The following STARD13 variants were observed in gnomAD, a reference collection of about 807,000 sequenced individuals.
STARD13 encodes the protein stAR-related lipid transfer protein 13.
Under a neutral mutation model 106.4 loss-of-function variants are expected in STARD13, and 62 were observed. The ratio of observed to expected loss-of-function variants is 0.58; its 90% CI spans 0.48 to 0.72. The LOEUF (loss-of-function observed/expected upper bound fraction) is 0.72, where lower values mean the gene tolerates loss of function less well. Among genes scored for constraint, STARD13 ranks in the 30% least tolerant of loss-of-function variants. The probability of loss-of-function intolerance (pLI) is 0.00; values close to 1 mark genes in which losing one functional copy is unlikely to be tolerated. For missense variants in STARD13, 1,387 were observed against 1,424.0 expected, an observed-to-expected ratio of 0.97 and a Z score of 0.42; for synonymous variants, 565 against 553.0, an observed-to-expected ratio of 1.02 and a Z score of -0.31.
chr13:33,426,500 C>A, the STARD13 span, among the ~76,000 whole-genome samples: 1 of 152,218 alleles, frequency 6.6e-6, no homozygotes. Context: ...ACCTGTAACT[C>A]TTCTGCCAAA....
At chr13:33,658,440 T>C in the STARD13 span, 1 of 152,270 alleles carries the variant, frequency 6.6e-6, no homozygotes, top group Non-Finnish European at 1.5e-5. Flanking sequence ...TTTGTTGCTA[T>C]AATATCATAA....
chr13:33,407,297 G>A, the STARD13 span, among the ~76,000 whole-genome samples: 3 of 152,176 alleles, frequency 2.0e-5, no homozygotes, highest in African/African-American at 7.2e-5. Context: ...CCCTGGCCAT[G>A]TTCACAGTCA....
the STARD13 span, among the ~76,000 whole-genome samples, chr13:33,463,332 T>C: frequency 6.6e-6 from 1 of 152,208 alleles, no homozygotes; most frequent in Non-Finnish European, 1.5e-5. Context: ...CTTGTAATTA[T>C]ACACAAATTA....
chr13:33,378,177 C>T, the STARD13 span, among the ~76,000 whole-genome samples: 1 of 152,130 alleles, frequency 6.6e-6, no homozygotes, highest in African/African-American at 2.4e-5. Context: ...AAACTTAAAA[C>T]TGGCAAAGCA....
At chr13:33,214,692 G>GCACACA (rs1440199937) in intron 1 of STARD13, among the ~76,000 whole-genome samples, 8 of 103,236 alleles carry the variant, frequency 7.7e-5, no homozygotes, top group African/African-American at 3.5e-4. Context: ...ACACACACAT[G>GCACACA]CACACATACA....
At chr13:33,626,646 T>C in the STARD13 span, among the ~76,000 whole-genome samples, 1 of 152,264 alleles carries the variant, frequency 6.6e-6, no homozygotes. Flanking sequence ...AGTGGGATTA[T>C]ATAATCTTTA....
intron 7 of STARD13, among the ~76,000 whole-genome samples, chr13:33,123,055 C>CAAAAAA (rs71071079): frequency 0.012 from 549 of 45,816 alleles, 92 homozygotes; most frequent in Middle Eastern, 0.056. Context: ...GACTCCATCT[C>CAAAAAA]AAAAAAAAAA....
chr13:33,527,676 T>A, the STARD13 span, among the ~76,000 whole-genome samples: 2 of 151,950 alleles, frequency 1.3e-5, no homozygotes, highest in South Asian at 2.1e-4. Flanking sequence ...AAGAAAAAAA[T>A]AAAAATACAG....
At chr13:33,614,310 G>A in the STARD13 span, among the ~76,000 whole-genome samples, 2 of 54,326 alleles carry the variant, frequency 3.7e-5, no homozygotes, top group Admixed American at 3.6e-4. Context: ...TTGGAAAATT[G>A]GAATTAGAGT....
the STARD13 span, among the ~76,000 whole-genome samples, chr13:33,528,310 C>T: frequency 5.3e-5 from 7 of 133,188 alleles, no homozygotes; most frequent in African/African-American, 2.3e-4. Flanking sequence ...TCCTCTGTCA[C>T]CCAGGCTGAA....
chr13:33,153,931 T>C (rs1172800611), intron 3 of STARD13, among the ~76,000 whole-genome samples: 1 of 152,092 alleles, frequency 6.6e-6, no homozygotes, highest in Non-Finnish European at 1.5e-5. Flanking sequence ...GGAACCTAAG[T>C]CACTGAGGAT....
In STARD13 at chr13:33,104,269, G is replaced by A. The variant is rs1873424837; in HGVS notation, c.*1324C>T. The A allele has an allele frequency of 6.6e-6, 1 of 152,204 alleles. No homozygotes were observed. The highest frequency in any genetic ancestry group is 2.4e-5 in the African/African-American group (1 of 41,442). 9.4% of individuals were successfully genotyped at this position (152,204 alleles called of 1,614,324 possible). A position where few individuals can be genotyped will look rare whatever the true frequency, so the allele number is the denominator to read the frequency against. Reference sequence around the variant, plus strand: ...CGATCCATTAGCAGTTGGCTAAAGGGAGTCAATTCGCTTCATCTGTACAAT... The same window carrying A: ...CGATCCATTAGCAGTTGGCTAAAGGAAGTCAATTCGCTTCATCTGTACAAT... On this transcript the variant is annotated 3_prime_UTR_variant, in exon 14 of 14. Coordinates refer to ENST00000336934, the MANE Select transcript of STARD13 (RefSeq NM_178006.4).
the STARD13 span, among the ~76,000 whole-genome samples, chr13:33,585,028 C>A: frequency 6.6e-6 from 1 of 152,150 alleles, no homozygotes; most frequent in African/African-American, 2.4e-5. Context: ...CTCTTTTCTT[C>A]ATAATTTATA....
the STARD13 span, among the ~76,000 whole-genome samples, chr13:33,389,304 A>G: frequency 6.6e-6 from 1 of 152,196 alleles, no homozygotes; most frequent in East Asian, 1.9e-4. Flanking sequence ...TACATAAGGT[A>G]TGTGAAACTG....
At position 33,329,174 on chromosome 13, in the gene STARD13, G is replaced by A. The variant is rs142915605; in HGVS notation, c.124+21116C>T. 2.0e-3 allele frequency among the ~76,000 whole-genome samples: 304 copies of A among 152,220 alleles called. 2 individuals are homozygous for A. The highest frequency in any genetic ancestry group is 6.7e-3 in the African/African-American group (278 of 41,548). ...ACTCAAAAACTTTTAATGAAATTTTGTGAAACCTTTTAAACTATGTACCCC... is the reference window on the plus strand; with the variant it reads ...ACTCAAAAACTTTTAATGAAATTTTATGAAACCTTTTAAACTATGTACCCC... On this transcript the variant is annotated intron_variant, in intron 1 of 5. Coordinates refer to the STARD13 transcript ENST00000567873.
chr13:33,525,482 C>T, the STARD13 span, among the ~76,000 whole-genome samples: 1 of 151,924 alleles, frequency 6.6e-6, no homozygotes, highest in African/African-American at 2.4e-5. Context: ...GTTAACTATG[C>T]AAATAAAATT....
intron 1 of STARD13, among the ~76,000 whole-genome samples, chr13:33,292,703 C>A (rs1892341330): frequency 1.3e-5 from 2 of 151,630 alleles, no homozygotes; most frequent in Admixed American, 6.6e-5. Flanking sequence ...GGGAAAGTAG[C>A]AAAATTTAGT....
At chr13:33,427,439 A>C in the STARD13 span, among the ~76,000 whole-genome samples, 2 of 152,350 alleles carry the variant, frequency 1.3e-5, no homozygotes, top group African/African-American at 4.8e-5. Context: ...TTTTAAGTCA[A>C]GAGGATTTAA....
At chr13:33,362,542 C>T in the STARD13 span, among the ~76,000 whole-genome samples, 47 of 152,290 alleles carry the variant, frequency 3.1e-4, no homozygotes, top group Middle Eastern at 3.4e-3. Flanking sequence ...CTCTATTTTA[C>T]TTGTGTAACC....
Sources: gnomAD v4.1 joint callset for allele counts (sites outside exome capture counted in the v4.1 genomes callset) on GRCh38, gnomAD v4.1.1 for gene constraint, MANE v1.5 for transcripts, NCBI Gene and HGNC (gene_info 2026-07-23, HGNC 2026-07-21) for gene names.